The following PWWP2B variants were observed in gnomAD, a reference collection of about 807,000 sequenced individuals.
PWWP2B encodes the protein PWWP domain-containing protein 2B.
Under a neutral mutation model 15.5 loss-of-function variants are expected in PWWP2B, and 9 were observed. The ratio of observed to expected loss-of-function variants is 0.58; its 90% CI spans 0.35 to 1.02. The LOEUF is 1.02. PWWP2B is among the 50% of genes least tolerant of loss of function. The pLI is 0.02. For missense variants in PWWP2B, 864 were observed against 865.3 expected, an observed-to-expected ratio of 1.00 and a Z score of 0.02; for synonymous variants, 474 against 403.6, an observed-to-expected ratio of 1.17 and a Z score of -2.09.
chr10:132,401,038 C>T (rs1451648870), intron 1 of PWWP2B, among the ~76,000 whole-genome samples: 1 of 152,232 alleles, frequency 6.6e-6, no homozygotes, highest in African/African-American at 2.4e-5. Context: ...CCGGGCAGAC[C>T]TCAGGCCTGG....
In PWWP2B at chr10:132,406,288, A is replaced by T; in HGVS notation, c.*15A>T. The T allele has an allele frequency of 1.9e-6, 3 of 1,597,882 alleles. No homozygotes were observed. Among genetic ancestry groups the T allele is most frequent in the Non-Finnish European group, 2.6e-6 (3 of 1,170,174 alleles). On this transcript the variant is annotated splice_region_variant and 3_prime_UTR_variant, in exon 2 of 3. Coordinates refer to ENST00000305233, the MANE Select transcript of PWWP2B (RefSeq NM_138499.4). ...TTGAAACGTAACTGGTTCCCTGACC[A>T]GGTGAGTGTGCCAGCGGCAGCCTCC... is the stretch of plus-strand genomic sequence containing the variant.
At chr10:132,398,925 CCA>C (rs1190258122) in intron 1 of PWWP2B, among the ~76,000 whole-genome samples, 3 of 110,716 alleles carry the variant, frequency 2.7e-5, no homozygotes, top group African/African-American at 1.0e-4. Context: ...TCCCCGACCC[CCA>C]GTCCTGAGGC....
intron 2 of PWWP2B, among the ~76,000 whole-genome samples, 193 bp downstream of exon 2, chr10:132,406,482 CAA>C (rs1031012810): frequency 2.6e-5 from 4 of 152,274 alleles, no homozygotes; most frequent in African/African-American, 9.6e-5. Context: ...CTGATTCACA[CAA>C]GAGGCGCACT....
chr10:132,415,628 T>C (rs1361027240), intron 2 of PWWP2B, among the ~76,000 whole-genome samples: 8 of 112,558 alleles, frequency 7.1e-5, no homozygotes, highest in Non-Finnish European at 1.1e-4. Flanking sequence ...CAATCACACA[T>C]CCACTCACAC....
At position 132,397,255 on chromosome 10, in the gene PWWP2B, C is replaced by T. The variant is rs371892688; in HGVS notation, c.29C>T (p.Pro10Leu). The T allele has an allele frequency of 2.6e-5, 34 of 1,302,346 alleles. 1 individual carries two copies. Among genetic ancestry groups the T allele is most frequent in the African/African-American group, 2.5e-4 (16 of 64,822 alleles). 80.7% of individuals were successfully genotyped at this position (1,302,346 alleles called of 1,614,324 possible). ...GAGCCGCGCGCCGGCTGCCGGCTGCCGGTGCGGGTGGAGCAGGTCGTCAAC... is the reference window on the plus strand; with the variant it reads ...GAGCCGCGCGCCGGCTGCCGGCTGCTGGTGCGGGTGGAGCAGGTCGTCAAC... MEPRAGCRL[P>L]VRVEQVVNGA... Residue 10 changes from proline (P) to leucine (L), a missense_variant, in exon 1 of 3, where the codon CCG becomes CTG. Physicochemically the swap from Pro to Leu is moderately conservative, Grantham distance 98. Transcript: ENST00000305233.
intron 1 of PWWP2B, among the ~76,000 whole-genome samples, chr10:132,400,893 G>A (rs982724584): frequency 1.3e-5 from 2 of 152,266 alleles, no homozygotes; most frequent in African/African-American, 4.8e-5. Flanking sequence ...GGGAGGCCAG[G>A]CAGGGGGCTG....
rs1303586250 is a variant in PWWP2B at position 132,415,569 on chromosome 10, ACACACACATCCACT to A, written c.*17-1483_*17-1470del. 8.1e-4 allele frequency among the ~76,000 whole-genome samples: 60 copies of A among 74,250 alleles called. 1 individual carries two copies. The highest frequency in any genetic ancestry group is 3.1e-3 in the African/African-American group (54 of 17,240). 48.7% of individuals were successfully genotyped at this position (74,250 alleles called of 152,430 possible). A position where few individuals can be genotyped will look rare whatever the true frequency, so the allele number is the denominator to read the frequency against. ...CACACACATTCACACAAACACACAT[ACACACACATCCACT>A]CACACACACCCACTCACATTTACTC... On this transcript the variant is annotated intron_variant, in intron 2 of 2. Coordinates refer to ENST00000305233, the MANE Select transcript of PWWP2B (RefSeq NM_138499.4).
At position 132,417,136 on chromosome 10, in the gene PWWP2B, C is replaced by T. The variant is rs886417732; in HGVS notation, c.*92C>T. Reference sequence around the variant, plus strand: ...TCGGGGACCCTGTGAGCCTTCTGGCCGGCTGCGTGCAGAGCCCACTGGGCA... The same window carrying T: ...TCGGGGACCCTGTGAGCCTTCTGGCTGGCTGCGTGCAGAGCCCACTGGGCA... On this transcript the variant is annotated 3_prime_UTR_variant, in exon 3 of 3. Transcript: ENST00000305233. The T allele has an allele frequency of 9.4e-6, 15 of 1,602,060 alleles. No individual in the cohort carries two copies. The highest frequency in any genetic ancestry group is 1.1e-5 in the South Asian group (1 of 90,838).
intron 1 of PWWP2B, among the ~76,000 whole-genome samples, chr10:132,399,399 G>A (rs959392575): frequency 1.1e-4 from 16 of 152,356 alleles, no homozygotes; most frequent in South Asian, 4.1e-4. Flanking sequence ...CGGGAATGGC[G>A]GCCCCGCTCA....
At chr10:132,415,755 T>A (rs1246470820) in intron 2 of PWWP2B, among the ~76,000 whole-genome samples, 1 of 151,702 alleles carries the variant, frequency 6.6e-6, no homozygotes, top group Non-Finnish European at 1.5e-5. Context: ...ACACACACAA[T>A]GTTTGGCTAA....
At chr10:132,407,529 G>A (rs759652160) in intron 2 of PWWP2B, among the ~76,000 whole-genome samples, 1 of 152,222 alleles carries the variant, frequency 6.6e-6, no homozygotes, top group Non-Finnish European at 1.5e-5. Context: ...TGCACCCTGC[G>A]TATTGGGGTT....
chr10:132,410,294 C>T (rs547749549), intron 2 of PWWP2B, among the ~76,000 whole-genome samples: 2 of 149,694 alleles, frequency 1.3e-5, no homozygotes, highest in East Asian at 4.0e-4. Flanking sequence ...AGCTCAGAGG[C>T]GGGTCAGGCA....
intron 2 of PWWP2B, among the ~76,000 whole-genome samples, chr10:132,410,335 G>C (rs112255208): frequency 2.0e-5 from 1 of 50,118 alleles, no homozygotes; most frequent in South Asian, 4.9e-4. Context: ...CGTATTCATC[G>C]GGGGGGACCT....
chr10:132,401,503 C>A (rs2069615727), intron 1 of PWWP2B, among the ~76,000 whole-genome samples: 2 of 152,222 alleles, frequency 1.3e-5, no homozygotes, highest in Admixed American at 6.5e-5. Flanking sequence ...AGCTCCAGGG[C>A]CACTCCATCT....
Position 132,406,062 on chromosome 10 carries a change from C to T in PWWP2B, c.1562C>T (p.Pro521Leu), listed in dbSNP as rs1210357797. 3 of 1,613,536 alleles carry T rather than the reference C, an allele frequency of 1.9e-6. No individual in the cohort carries two copies. Among genetic ancestry groups the T allele is most frequent in the South Asian group, 2.2e-5 (2 of 91,082 alleles). Residue 521 changes from proline to leucine, a missense_variant, in exon 2 of 3, where the codon CCG (proline) becomes CTG (leucine). By Grantham distance (98) the Pro-to-Leu change is moderately conservative. This residue lies in a region of PWWP2B where 128 missense variants were observed against 177.6 expected (regional missense o/e 0.72). Transcript: ENST00000305233. ...ISLGQKEDGE[P>L]SWREAKVSWF... ...CTCGGCCAGAAGGAGGACGGAGAGC[C>T]GTCTTGGCGAGAAGCGAAGGTCTCG...
chr10:132,410,243 C>T (rs1044277918), intron 2 of PWWP2B, among the ~76,000 whole-genome samples: 5 of 151,718 alleles, frequency 3.3e-5, no homozygotes, highest in Admixed American at 6.6e-5. Flanking sequence ...CTCCAGTTCT[C>T]GGGAGGTGCC....
intron 2 of PWWP2B, among the ~76,000 whole-genome samples, chr10:132,414,174 ACTG>A (rs971516401): frequency 2.0e-5 from 3 of 152,198 alleles, no homozygotes; most frequent in Non-Finnish European, 4.4e-5. Context: ...TGCGAAGGCC[ACTG>A]CTGCTGTTCG....
At chr10:132,404,541 C>T (rs979670170) in intron 1 of PWWP2B, 85 bp from the exon 2 acceptor site, 21 of 1,189,608 alleles carry the variant, frequency 1.8e-5, no homozygotes, top group South Asian at 1.2e-4. Context: ...GAGCATGGGT[C>T]GGGGGCCTTG....
chr10:132,404,028 TTCTCCAGGGCTCCTGC>T (rs1204212655), intron 1 of PWWP2B, among the ~76,000 whole-genome samples: 3 of 81,250 alleles, frequency 3.7e-5, no homozygotes, highest in East Asian at 5.6e-4. Flanking sequence ...CAGGACGGCA[TTCTCCAGGGCTCCTGC>T]AGGACGGCAT....
Sources: allele counts gnomAD v4.1 joint callset (sites outside exome capture counted in the v4.1 genomes callset), GRCh38; gene constraint gnomAD v4.1.1; regional missense constraint gnomAD v4.1.1; transcripts MANE v1.5; gene names NCBI Gene and HGNC (gene_info 2026-07-23, HGNC 2026-07-21).